Variants in NCAPH2 observed in about 807,000 individuals in gnomAD.
NCAPH2 encodes the protein non-SMC condensin II complex subunit H2.
NCAPH2 carries 56 observed loss-of-function variants against 88.6 expected under a neutral mutation model. That is an observed-to-expected ratio of 0.63 (90% confidence interval 0.51 to 0.79). The LOEUF (loss-of-function observed/expected upper bound fraction) is 0.79. Ranked by LOEUF, NCAPH2 falls within the 30% of genes least tolerant of loss-of-function variation. The probability of loss-of-function intolerance (pLI) is 0.00; values close to 1 mark genes in which losing one functional copy is unlikely to be tolerated. For synonymous variants in NCAPH2, 378 were observed against 313.6 expected (o/e 1.21, Z -2.17); for missense variants, 794 against 792.0 (o/e 1.00, Z -0.03).
chr22:50,519,184 G>T lies in NCAPH2; in HGVS notation c.731-6G>T. 6.2e-7 allele frequency: 1 copy of T among 1,605,516 alleles called. No homozygotes were observed. Among genetic ancestry groups the T allele is most frequent in the Non-Finnish European group, 8.5e-7 (1 of 1,176,928 alleles). Reference sequence around the variant, plus strand: ...GGAGCTGATCACTCTCTTGCTCCCTGCCTAGGCCCCTCTCCAGAAGGCCCG... The same window carrying T: ...GGAGCTGATCACTCTCTTGCTCCCTTCCTAGGCCCCTCTCCAGAAGGCCCG... On this transcript the variant is annotated splice_polypyrimidine_tract_variant and splice_region_variant and intron_variant, in intron 8 of 19. Coordinates refer to ENST00000420993, the MANE Select transcript of NCAPH2 (RefSeq NM_152299.4).
chr22:50,513,365 G>A (rs1049223373), intron 1 of NCAPH2, among the ~76,000 whole-genome samples: 4 of 151,592 alleles, frequency 2.6e-5, no homozygotes, highest in Non-Finnish European at 5.9e-5. Flanking sequence ...TTGGGGAGCC[G>A]AGGTGGCTCA....
chr22:50,521,250 C>T (rs1473284056), intron 10 of NCAPH2, among the ~76,000 whole-genome samples: 2 of 152,192 alleles, frequency 1.3e-5, no homozygotes, highest in South Asian at 2.1e-4. Context: ...GTGTGGTCGG[C>T]TCTGCCCCAG....
Position 50,517,982 on chromosome 22 carries a change from A to G in NCAPH2, c.430A>G (p.Ile144Val), listed in dbSNP as rs1484446833. 2 of 1,613,364 alleles carry G rather than the reference A, an allele frequency of 1.2e-6. No homozygotes were observed. The highest frequency in any genetic ancestry group is 1.7e-6 in the Non-Finnish European group (2 of 1,179,716). ...KNDQTPSEVL[I>V]IPLLPMALVA... ...CTTGGCCTCCATGCAGGAGGTCCTCATCATCCCCCTCCTGCCCATGGCCCT... is the reference window on the plus strand; with the variant it reads ...CTTGGCCTCCATGCAGGAGGTCCTCGTCATCCCCCTCCTGCCCATGGCCCT... Residue 144 changes from isoleucine to valine, a missense_variant, in exon 6 of 20, where the codon ATC (isoleucine) becomes GTC (valine). Physicochemically the swap from Ile to Val is conservative, Grantham distance 29. Transcript: ENST00000420993.
intron 1 of NCAPH2, among the ~76,000 whole-genome samples, chr22:50,512,039 T>A (rs980277575): frequency 6.6e-6 from 1 of 152,096 alleles, no homozygotes; most frequent in Non-Finnish European, 1.5e-5. Flanking sequence ...GCCCACCTCA[T>A]CCTTTGAAAG....
chr22:50,512,488 C>G (rs964959141), intron 1 of NCAPH2, among the ~76,000 whole-genome samples: 1 of 151,112 alleles, frequency 6.6e-6, no homozygotes. Context: ...TATCTTTTTC[C>G]TTCTGTCATT....
chr22:50,508,499 C>CGGGGGGGGGGGGCTGGGGGGG, intron 1 of NCAPH2, 54 bp downstream of exon 1: 3 of 350,300 alleles, frequency 8.6e-6, no homozygotes, highest in East Asian at 7.6e-5. Context: ...GGCTGCGGGG[C>CGGGGGGGGGGGGCTGGGGGGG]GGGGGCTCCG....
At chr22:50,519,373 G>C (rs968564912) in intron 9 of NCAPH2, 53 bp downstream of exon 9, 2 of 1,602,826 alleles carry the variant, frequency 1.2e-6, no homozygotes, top group African/African-American at 1.3e-5. Context: ...GGCAACCCTG[G>C]CTCTGGGGCC....
At chr22:50,522,149 C>T (rs201045801) in intron 13 of NCAPH2, 32 bp from the exon 14 acceptor site, 417 of 1,611,286 alleles carry the variant, frequency 2.6e-4, no homozygotes, top group Admixed American at 3.3e-4. Context: ...CTGGGAAGGA[C>T]GAGGGAGCCC....
In NCAPH2 at chr22:50,518,722, C is replaced by T; in HGVS notation, c.720C>T (p.Ser240=). 2 of 1,604,640 alleles carry T rather than the reference C, an allele frequency of 1.2e-6. No homozygotes were observed. Among genetic ancestry groups the T allele is most frequent in the South Asian group, 1.1e-5 (1 of 89,170 alleles). ...GCCCTGTCCCAGCACTCGGCTTCTCCCAGGAGCCAGGTGAGAAGAGAGCTC... is the reference window on the plus strand; with the variant it reads ...GCCCTGTCCCAGCACTCGGCTTCTCTCAGGAGCCAGGTGAGAAGAGAGCTC... The part of the protein sequence containing the change: ...CRSPVPALGF[S]QEPGPSPEGP... Residue 240 remains serine (S), a synonymous_variant, in exon 8 of 20, where the codon TCC becomes TCT. Transcript: ENST00000420993.
chr22:50,518,250 C>T lies in NCAPH2; in HGVS notation c.618C>T (p.Gly206=), dbSNP rs765913247. The T allele has an allele frequency of 1.4e-5, 23 of 1,613,492 alleles. No homozygotes were observed. The highest frequency in any genetic ancestry group is 3.3e-5 in the Admixed American group (2 of 59,986). ...PEGMSPMEPA[G]VSPMPGTQKD... is the part of the protein sequence containing the mutation. ...GCATGTCCCCCATGGAACCAGCGGGCGTTTCCCCCATGCCAGGGACCCAGA... is the reference window on the plus strand; with the variant it reads ...GCATGTCCCCCATGGAACCAGCGGGTGTTTCCCCCATGCCAGGGACCCAGA... Residue 206 remains glycine (G), a synonymous_variant, in exon 7 of 20, where the codon GGC becomes GGT. Transcript: ENST00000420993.
chr22:50,509,643 CA>C (rs1569519687), intron 1 of NCAPH2, among the ~76,000 whole-genome samples: 1 of 152,164 alleles, frequency 6.6e-6, no homozygotes, highest in African/African-American at 2.4e-5. Flanking sequence ...TTGTCCCGTC[CA>C]ATTCGTGCTC....
In NCAPH2 at chr22:50,523,528, C is replaced by A. The variant is rs1454626086; in HGVS notation, c.*153C>A. 1.3e-6 allele frequency: 2 copies of A among 1,567,016 alleles called. No homozygotes were observed. The highest frequency in any genetic ancestry group is 1.7e-6 in the Non-Finnish European group (2 of 1,152,440). ...CTGCGCAGAGAAGAGGGCTGCCTGG[C>A]CTCCCTGGGCCGCTGGTACAGATCA... is the stretch of plus-strand genomic sequence containing the variant. On this transcript the variant is annotated 3_prime_UTR_variant, in exon 20 of 20. Transcript: ENST00000420993.
At position 50,521,808 on chromosome 22, in the gene NCAPH2, T is replaced by C. The variant is rs778073528; in HGVS notation, c.1068T>C (p.Ala356=). 1.2e-6 allele frequency: 2 copies of C among 1,613,928 alleles called. No homozygotes were observed. The highest frequency in any genetic ancestry group is 8.5e-7 in the Non-Finnish European group (1 of 1,180,032). ...GACAGAAGCGCAAGAGGAAGGGCGC[T>C]GCCAAGCTGCAGGACTTCCACCAGT... is the stretch of plus-strand genomic sequence containing the variant. ...ALGQKRKRKG[A]AKLQDFHQWY... The change falls in exon 12 of 20, where the codon GCT becomes GCC. Residue 356 remains alanine, a synonymous_variant. Coordinates refer to ENST00000420993, the MANE Select transcript of NCAPH2 (RefSeq NM_152299.4).
In NCAPH2 at chr22:50,524,593, A is replaced by C; in HGVS notation, c.*1218A>C. The stretch of plus-strand genomic sequence containing the variant: ...GCTCAGAACTCCACCTCCACCAAAC[A>C]TCCACACCTGGGCAACCACACCTGT... On this transcript the variant is annotated 3_prime_UTR_variant, in exon 20 of 20. Transcript: ENST00000420993. 1.7e-5 allele frequency: 12 copies of C among 715,120 alleles called. No individual in the cohort carries two copies. The highest frequency in any genetic ancestry group is 2.8e-5 in the East Asian group (1 of 36,226). 44.3% of individuals were successfully genotyped at this position (715,120 alleles called of 1,614,324 possible).
intron 9 of NCAPH2, chr22:50,520,747 A>T: frequency 1.9e-6 from 1 of 514,628 alleles, no homozygotes; most frequent in East Asian, 3.4e-5. Context: ...TTTTTAGTAG[A>T]GGCGGGGGTT....
intron 1 of NCAPH2, among the ~76,000 whole-genome samples, chr22:50,512,499 T>C (rs2068810508): frequency 6.6e-6 from 1 of 152,154 alleles, no homozygotes; most frequent in Non-Finnish European, 1.5e-5. Flanking sequence ...TTCTGTCATT[T>C]TCCACACACT....
rs117383090 is a variant in NCAPH2, at chr22:50,522,010, G to A, written c.1133G>A (p.Arg378Gln). ...GATGCAGACCATGCCGACAGCAGGC[G>A]GCTTCGGCGAAAGGGTCCGTCCTTT... The part of the protein sequence containing the change: ...AAYADHADSR[R>Q]LRRKGPSFAD... Residue 378 changes from arginine (R) to glutamine (Q), a missense_variant, in exon 13 of 20, where the codon CGG becomes CAG. Physicochemically the swap from Arg to Gln is conservative, Grantham distance 43. Around this residue, in one of 2 missense-constraint regions of NCAPH2, gnomAD observed 735 missense variants for 696.3 expected, o/e 1.06. Transcript: ENST00000420993. The A allele has an allele frequency of 4.0e-5, 65 of 1,614,046 alleles. No homozygotes were observed. In the East Asian group the frequency reaches 8.7e-4, roughly 22 times the overall value.
In NCAPH2 at chr22:50,524,438, C is replaced by A; in HGVS notation, c.*1063C>A. The A allele has an allele frequency of 6.2e-7, 1 of 1,608,682 alleles. No individual in the cohort carries two copies. Among genetic ancestry groups the A allele is most frequent in the Admixed American group, 1.7e-5 (1 of 59,792 alleles). ...GATCTGATGCTCCTGGAAACAAGCA[C>A]AGGCGTCAGGAGCCAGAAGGGAAGG... On this transcript the variant is annotated 3_prime_UTR_variant, in exon 20 of 20. Coordinates refer to ENST00000420993, the MANE Select transcript of NCAPH2 (RefSeq NM_152299.4).
In NCAPH2 at chr22:50,522,660, C is replaced by T; in HGVS notation, c.1376-11C>T. On this transcript the variant is annotated splice_polypyrimidine_tract_variant and intron_variant, in intron 16 of 19. Transcript: ENST00000420993. ...CCCTTAGCTGCCCAGCTCACAGCTACCCCTTCCCAGACGCAGTGCCGATGT... is the reference window on the plus strand; with the variant it reads ...CCCTTAGCTGCCCAGCTCACAGCTATCCCTTCCCAGACGCAGTGCCGATGT... 6.2e-7 allele frequency: 1 copy of T among 1,613,692 alleles called. No homozygotes were observed.
Sources: gnomAD v4.1 joint callset for allele counts (sites outside exome capture counted in the v4.1 genomes callset) on GRCh38, gnomAD v4.1.1 for gene constraint, gnomAD v4.1.1 regional missense constraint, MANE v1.5 for transcripts, NCBI Gene and HGNC (gene_info 2026-07-23, HGNC 2026-07-21) for gene names.